Variants in ARMC9 observed in about 807,000 individuals in gnomAD.
The protein encoded by ARMC9 is armadillo repeat containing 9, also known as lisH domain-containing protein ARMC9.
ARMC9 carries 94 observed loss-of-function variants against 107.0 expected under a neutral mutation model. The observed-to-expected ratio is 0.88, with a 90% CI of 0.74 to 1.04. The LOEUF (loss-of-function observed/expected upper bound fraction) is 1.04, where lower values mean the gene tolerates loss of function less well. Ranked by LOEUF, ARMC9 falls within the 50% of genes least tolerant of loss-of-function variation. The probability of loss-of-function intolerance (pLI) is 0.00; values close to 1 mark genes in which losing one functional copy is unlikely to be tolerated. For missense variants in ARMC9, 942 were observed against 1,030.1 expected, an observed-to-expected ratio of 0.91 and a Z score of 1.17; for synonymous variants, 380 against 396.9, an observed-to-expected ratio of 0.96 and a Z score of 0.51.
intron 7 of ARMC9, among the ~76,000 whole-genome samples, chr2:231,233,563 G>A (rs2035440833): frequency 6.6e-6 from 1 of 152,070 alleles, no homozygotes; most frequent in Admixed American, 6.5e-5. Context: ...GATCACCTGA[G>A]GTCGGGAGTT....
intron 8 of ARMC9, among the ~76,000 whole-genome samples, chr2:231,237,319 G>C (rs2035813138): frequency 6.6e-6 from 1 of 152,050 alleles, no homozygotes; most frequent in African/African-American, 2.4e-5. Flanking sequence ...CATATGACCA[G>C]ATCCACCTCA....
chr2:231,341,624 T>C (rs1395861200), intron 20 of ARMC9, among the ~76,000 whole-genome samples: 2 of 131,798 alleles, frequency 1.5e-5, no homozygotes, highest in African/African-American at 3.4e-5. Context: ...AGATGATTGA[T>C]TGATAGATAG....
At chr2:231,352,540 T>C (rs967299452) in intron 21 of ARMC9, among the ~76,000 whole-genome samples, 1 of 151,662 alleles carries the variant, frequency 6.6e-6, no homozygotes, top group Admixed American at 6.6e-5. Context: ...GCCAGGCTGA[T>C]CTGGGACTCC....
intron 18 of ARMC9, chr2:231,295,676 CCCT>C (rs1464429823): frequency 6.6e-6 from 1 of 152,282 alleles, no homozygotes; most frequent in Admixed American, 6.5e-5. Context: ...CCTTCAGGAA[CCCT>C]ACCTGCCATG....
chr2:231,326,383 C>A (rs534666659), intron 19 of ARMC9, among the ~76,000 whole-genome samples: 1 of 152,194 alleles, frequency 6.6e-6, no homozygotes, highest in Non-Finnish European at 1.5e-5. Context: ...CAAATAAATG[C>A]CCCCAAATGC....
chr2:231,341,847 A>ATT (rs1489210007), intron 20 of ARMC9, among the ~76,000 whole-genome samples: 1 of 152,026 alleles, frequency 6.6e-6, no homozygotes, highest in Non-Finnish European at 1.5e-5. Context: ...CTCTTTTTTT[A>ATT]TTGTGCTTAA....
At chr2:231,262,007 A>G (rs2038405515) in intron 11 of ARMC9, among the ~76,000 whole-genome samples, 1 of 151,838 alleles carries the variant, frequency 6.6e-6, no homozygotes, top group Non-Finnish European at 1.5e-5. Flanking sequence ...TATTTTTAGT[A>G]GAGACAGGGT....
At chr2:231,355,316 G>A (rs1261984262) in intron 21 of ARMC9, among the ~76,000 whole-genome samples, 5 of 152,210 alleles carry the variant, frequency 3.3e-5, no homozygotes, top group Admixed American at 2.0e-4. Context: ...CTCCAGCCTG[G>A]GCGACAGAGT....
At position 231,357,857 on chromosome 2, in the gene ARMC9, C is replaced by T. The variant is rs112231788; in HGVS notation, c.2131+1923C>T. Reference sequence around the variant, plus strand: ...AAGCACTGGGATTACAGGCGTGAGCCATCATGCCTGGCCCTCTTAGTCTCC... The same window carrying T: ...AAGCACTGGGATTACAGGCGTGAGCTATCATGCCTGGCCCTCTTAGTCTCC... On this transcript the variant is annotated intron_variant, in intron 22 of 24. Transcript: ENST00000611582. Among the ~76,000 whole-genome samples, 727 of 152,302 alleles carry T rather than the reference C, an allele frequency of 4.8e-3. 5 individuals are homozygous for T. Among genetic ancestry groups the T allele is most frequent in the African/African-American group, 0.016 (662 of 41,556 alleles).
intron 19 of ARMC9, among the ~76,000 whole-genome samples, chr2:231,314,507 A>G (rs1051301190): frequency 1.2e-4 from 19 of 152,116 alleles, no homozygotes; most frequent in African/African-American, 4.3e-4. Context: ...CCCAACCCAG[A>G]CTTTCTCAAC....
At chr2:231,254,228 C>T (rs548293621) in intron 9 of ARMC9, among the ~76,000 whole-genome samples, 2 of 152,202 alleles carry the variant, frequency 1.3e-5, no homozygotes, top group East Asian at 1.9e-4. Context: ...GTAGGGTAGA[C>T]CTTCTTAAGC....
At chr2:231,366,213 ATCAG>A (rs200100842) in intron 23 of ARMC9, among the ~76,000 whole-genome samples, 1,939 of 152,308 alleles carry the variant, frequency 0.013, 16 homozygotes, top group Non-Finnish European at 0.021. Context: ...CTCAGGGAAT[ATCAG>A]TCTTTTTCTA....
rs987347870 is a variant in ARMC9, at chr2:231,360,430, C to T, written c.2132-324C>T. Among the ~76,000 whole-genome samples the T allele has an allele frequency of 6.6e-6, 1 of 152,364 alleles. No individual in the cohort carries two copies. Among genetic ancestry groups the T allele is most frequent in the East Asian group, 1.9e-4 (1 of 5,190 alleles). On this transcript the variant is annotated intron_variant, in intron 22 of 24. Coordinates refer to ENST00000611582, the MANE Select transcript of ARMC9 (RefSeq NM_001352754.2). The surrounding 1 kb of genome is among the most constrained non-coding windows in gnomAD (Gnocchi z 4.7). ...GCCTCCACATTCTGTCTGGGGGCGCCTAGCCATGGCCCAGGGAGACAATTT... is the reference window on the plus strand; with the variant it reads ...GCCTCCACATTCTGTCTGGGGGCGCTTAGCCATGGCCCAGGGAGACAATTT...
At chr2:231,256,256 G>T in intron 9 of ARMC9, 1 of 1,549,134 alleles carries the variant, frequency 6.5e-7, no homozygotes, top group Non-Finnish European at 8.7e-7. Context: ...GCGCGAGGGC[G>T]ACGTGCTCAC....
chr2:231,235,136 A>C (rs2035589756), intron 7 of ARMC9, 88 bp from the exon 8 acceptor site: 1 of 1,376,314 alleles, frequency 7.3e-7, no homozygotes, highest in South Asian at 1.5e-5. Flanking sequence ...CATTCTGGCA[A>C]TAAGTATGGT....
intron 17 of ARMC9, 135 bp downstream of exon 17, chr2:231,282,268 A>AG (rs1258894291): frequency 4.2e-5 from 36 of 861,656 alleles, no homozygotes; most frequent in Non-Finnish European, 6.4e-5. Context: ...TGTATGTAAA[A>AG]TGTATATTTG....
At chr2:231,344,355 T>C (rs771046545) in intron 20 of ARMC9, among the ~76,000 whole-genome samples, 3 of 152,230 alleles carry the variant, frequency 2.0e-5, no homozygotes, top group Non-Finnish European at 4.4e-5. Flanking sequence ...CACCTTGTTT[T>C]GTAAAGTTGT....
intron 2 of ARMC9, among the ~76,000 whole-genome samples, chr2:231,206,938 C>T (rs2032090729): frequency 6.6e-6 from 1 of 152,216 alleles, no homozygotes; most frequent in African/African-American, 2.4e-5. Flanking sequence ...ATGAGGCACC[C>T]ACCGTGCAAC....
intron 9 of ARMC9, among the ~76,000 whole-genome samples, chr2:231,248,006 C>T (rs1297056182): frequency 1.3e-5 from 2 of 152,136 alleles, no homozygotes; most frequent in Non-Finnish European, 2.9e-5. Context: ...TGAGACCTTT[C>T]TCGAGCTCCA....
Sources: gnomAD v4.1 joint callset for allele counts (sites outside exome capture counted in the v4.1 genomes callset) on GRCh38, gnomAD v4.1.1 for gene constraint, Gnocchi (gnomAD v3.1) non-coding constraint, MANE v1.5 for transcripts, NCBI Gene and HGNC (gene_info 2026-07-23, HGNC 2026-07-21) for gene names.